The following NCKAP5 variants were observed in gnomAD, a reference collection of about 807,000 sequenced individuals.
NCKAP5 encodes the protein nck-associated protein 5.
A neutral mutation model predicts 167.0 loss-of-function variants in NCKAP5; 92 were observed. The observed-to-expected ratio is 0.55, with a 90% CI of 0.47 to 0.66. The LOEUF (loss-of-function observed/expected upper bound fraction) is 0.66. Ranked by LOEUF, NCKAP5 falls within the 30% of genes least tolerant of loss-of-function variation. The probability of loss-of-function intolerance (pLI) is 0.00; values close to 1 mark genes in which losing one functional copy is unlikely to be tolerated. For synonymous variants in NCKAP5, 891 were observed against 877.4 expected (o/e 1.02, Z -0.27); for missense variants, 2,378 against 2,315.0 (o/e 1.03, Z -0.56).
At chr2:133,367,623 A>G (rs993904100) in intron 3 of NCKAP5, among the ~76,000 whole-genome samples, 4 of 152,154 alleles carry the variant, frequency 2.6e-5, no homozygotes, top group African/African-American at 9.7e-5. Context: ...GTACCAGATG[A>G]ATTCCAAATA....
chr2:132,948,812 A>G (rs2076079436), intron 8 of NCKAP5, among the ~76,000 whole-genome samples: 1 of 152,088 alleles, frequency 6.6e-6, no homozygotes, highest in Non-Finnish European at 1.5e-5. Context: ...CCACTTTGGC[A>G]GGTAGGTAGC....
intron 8 of NCKAP5, among the ~76,000 whole-genome samples, chr2:132,919,746 TAG>T (rs1243681718): frequency 6.6e-6 from 1 of 152,166 alleles, no homozygotes; most frequent in Admixed American, 6.6e-5. Context: ...ATATGATCTC[TAG>T]AAGATGACAT....
intron 4 of NCKAP5, chr2:133,266,456 A>G (rs2089226382): frequency 6.6e-6 from 1 of 151,924 alleles, no homozygotes; most frequent in South Asian, 2.1e-4. Context: ...GGCTGGGGCT[A>G]GGGTGGCGGC....
At chr2:132,825,023 A>G (rs990857535) in intron 11 of NCKAP5, among the ~76,000 whole-genome samples, 1 of 152,210 alleles carries the variant, frequency 6.6e-6, no homozygotes, top group African/African-American at 2.4e-5. Context: ...AACAAGTTGG[A>G]GAGGCAAAAA....
intron 8 of NCKAP5, among the ~76,000 whole-genome samples, chr2:132,940,233 C>A (rs1697191426): frequency 6.6e-6 from 1 of 152,090 alleles, no homozygotes. Flanking sequence ...TTCATAAGGG[C>A]CTATTTTTAT....
chr2:132,935,599 G>A (rs771711785), intron 8 of NCKAP5, among the ~76,000 whole-genome samples: 1 of 152,158 alleles, frequency 6.6e-6, no homozygotes, highest in Non-Finnish European at 1.5e-5. Flanking sequence ...CACCGGATGA[G>A]AGGTGGAAGG....
At chr2:133,617,322 G>A in the NCKAP5 span, among the ~76,000 whole-genome samples, 129 of 152,140 alleles carry the variant, frequency 8.5e-4, no homozygotes, top group African/African-American at 2.8e-3. Flanking sequence ...GCAGGAGAAG[G>A]AAATAAAAGG....
At chr2:133,586,686 C>T in the NCKAP5 span, among the ~76,000 whole-genome samples, 7,426 of 151,354 alleles carry the variant, frequency 0.049, 269 homozygotes, top group Non-Finnish European at 0.082. Flanking sequence ...CAGATGGTTG[C>T]TATGTTGACA....
At chr2:133,621,541 T>G in the NCKAP5 span, among the ~76,000 whole-genome samples, 1 of 152,054 alleles carries the variant, frequency 6.6e-6, no homozygotes, top group African/African-American at 2.4e-5. Context: ...GATAAATTCC[T>G]GGAAATATAC....
chr2:133,214,589 A>G (rs1279339334), intron 4 of NCKAP5, among the ~76,000 whole-genome samples: 1 of 152,220 alleles, frequency 6.6e-6, no homozygotes, highest in Non-Finnish European at 1.5e-5. Context: ...AATATTCACC[A>G]AAATTTTTAG....
chr2:133,491,610 C>T (rs948684042), intron 3 of NCKAP5, among the ~76,000 whole-genome samples: 7 of 152,200 alleles, frequency 4.6e-5, no homozygotes, highest in African/African-American at 9.6e-5. Context: ...GAATATTACT[C>T]CTTTCCCAGA....
intron 3 of NCKAP5, among the ~76,000 whole-genome samples, chr2:133,413,900 G>A (rs1375440382): frequency 6.6e-6 from 1 of 152,130 alleles, no homozygotes; most frequent in Admixed American, 6.5e-5. Context: ...CTATATAGAG[G>A]GACGGAGTTA....
chr2:132,749,776 C>T lies in NCKAP5; in HGVS notation c.5129-17725G>A, dbSNP rs143431336. Among the ~76,000 whole-genome samples, 258 of 152,134 alleles carry T rather than the reference C, an allele frequency of 1.7e-3. 2 individuals are homozygous for T. The highest frequency in any genetic ancestry group is 5.4e-3 in the African/African-American group (226 of 41,496). On this transcript the variant is annotated intron_variant, in intron 16 of 19. Coordinates refer to ENST00000409261, the MANE Select transcript of NCKAP5 (RefSeq NM_207363.3). ...AAACCTTCAAATGTCTGCTTAGCCA[C>T]GCAGGACAGTGTTTCAACTAGAGTT... is the stretch of plus-strand genomic sequence containing the variant.
intron 5 of NCKAP5, among the ~76,000 whole-genome samples, chr2:133,174,805 T>C (rs1030072857): frequency 6.6e-6 from 1 of 152,062 alleles, no homozygotes. Flanking sequence ...GAAACCAAGA[T>C]TGGTCTCTAG....
Position 133,410,674 on chromosome 2 carries a change from C to T in NCKAP5, c.69+106784G>A, listed in dbSNP as rs77650912. Among the ~76,000 whole-genome samples the T allele has an allele frequency of 5.6e-3, 854 of 152,258 alleles. 29 individuals carry two copies. Among genetic ancestry groups the T allele is most frequent in the Admixed American group, 0.045 (681 of 15,300 alleles). On this transcript the variant is annotated intron_variant, in intron 3 of 19. Transcript: ENST00000409261. ...AGAAATGCAAATTCTCAGGCCCACC[C>T]TAGACTTACAGCTTCAGAAATTCAG...
intron 8 of NCKAP5, among the ~76,000 whole-genome samples, chr2:132,912,556 TATG>T (rs1407876305): frequency 3.3e-5 from 5 of 152,338 alleles, no homozygotes; most frequent in African/African-American, 1.2e-4. Context: ...CCCTGCTTCC[TATG>T]GTTCCTTTGA....
chr2:133,467,824 G>A (rs1482478835), intron 3 of NCKAP5, among the ~76,000 whole-genome samples: 2 of 137,460 alleles, frequency 1.5e-5, no homozygotes, highest in Admixed American at 7.4e-5. Context: ...TTCTCTGATG[G>A]TGGTTTGTAT....
intron 8 of NCKAP5, among the ~76,000 whole-genome samples, chr2:132,956,207 C>A (rs1574763132): frequency 6.6e-6 from 1 of 152,304 alleles, no homozygotes; most frequent in South Asian, 2.1e-4. Flanking sequence ...ATAAATGTAT[C>A]TAATTATAAA....
At chr2:133,129,651 G>C (rs570236243) in intron 6 of NCKAP5, among the ~76,000 whole-genome samples, 1 of 152,018 alleles carries the variant, frequency 6.6e-6, no homozygotes, top group Non-Finnish European at 1.5e-5. Context: ...TCTAGTTCTA[G>C]ATCCCTGAGG....
Sources: allele counts gnomAD v4.1 joint callset (sites outside exome capture counted in the v4.1 genomes callset), GRCh38; gene constraint gnomAD v4.1.1; transcripts MANE v1.5; gene names NCBI Gene and HGNC (gene_info 2026-07-23, HGNC 2026-07-21).